The following KIF13B variants were observed in gnomAD, a reference collection of about 807,000 sequenced individuals.
KIF13B encodes kinesin family member 13B.
Under a neutral mutation model 222.0 loss-of-function variants are expected in KIF13B, and 127 were observed. The observed-to-expected ratio is 0.57, with a 90% CI of 0.50 to 0.66. The LOEUF (loss-of-function observed/expected upper bound fraction) is 0.66, where lower values mean the gene tolerates loss of function less well. Among genes scored for constraint, KIF13B ranks in the 30% least tolerant of loss-of-function variants. The pLI, the probability that KIF13B is intolerant of heterozygous loss-of-function variation, is 0.00. For missense variants in KIF13B, 2,173 were observed against 2,379.0 expected (o/e 0.91, Z 1.80); for synonymous variants, 976 against 919.0 (o/e 1.06, Z -1.12).
At chr8:29,124,270 G>A (rs759973973) in intron 26 of KIF13B, 147 bp from the exon 27 acceptor site, 41 of 557,834 alleles carry the variant, frequency 7.3e-5, no homozygotes, top group Non-Finnish European at 1.0e-4. Context: ...AGTTGACTGC[G>A]CCCATCTTTC....
At chr8:29,206,514 T>A (rs1813948817) in intron 2 of KIF13B, among the ~76,000 whole-genome samples, 1 of 152,196 alleles carries the variant, frequency 6.6e-6, no homozygotes, top group Non-Finnish European at 1.5e-5. Context: ...CACGACTACC[T>A]ATTTCACTAC....
At chr8:29,229,480 C>T (rs1434851416) in intron 2 of KIF13B, among the ~76,000 whole-genome samples, 1 of 152,194 alleles carries the variant, frequency 6.6e-6, no homozygotes, top group Non-Finnish European at 1.5e-5. Flanking sequence ...AACTTATACT[C>T]TTGCAAAGGA....
chr8:29,072,990 G>T (rs917698521), intron 38 of KIF13B, among the ~76,000 whole-genome samples: 36 of 151,788 alleles, frequency 2.4e-4, no homozygotes, highest in African/African-American at 8.5e-4. Context: ...ACTCAGCACA[G>T]CCTGGCCAGC....
intron 13 of KIF13B, 96 bp from the exon 14 acceptor site, chr8:29,155,952 T>C (rs1811504311): frequency 5.2e-6 from 5 of 956,744 alleles, no homozygotes; most frequent in Non-Finnish European, 4.7e-6. Flanking sequence ...TCCTATTACC[T>C]TTGCGAAAAT....
chr8:29,210,300 A>C (rs1814161178), intron 2 of KIF13B, among the ~76,000 whole-genome samples: 1 of 152,218 alleles, frequency 6.6e-6, no homozygotes, highest in Admixed American at 6.5e-5. Flanking sequence ...ACCATTCCAG[A>C]GCACACAGAC....
chr8:29,186,245 T>C (rs1479529011), intron 6 of KIF13B, 47 bp downstream of exon 6: 1 of 1,460,780 alleles, frequency 6.8e-7, no homozygotes, highest in Non-Finnish European at 9.4e-7. Flanking sequence ...AATTTAAGTC[T>C]GTTTCAGTTC....
Position 29,167,575 on chromosome 8 carries a change from C to T in KIF13B, c.956G>A (p.Gly319Glu). 3 of 1,613,802 alleles carry T rather than the reference C, an allele frequency of 1.9e-6. No homozygotes were observed. The highest frequency in any genetic ancestry group is 2.5e-6 in the Non-Finnish European group (3 of 1,179,744). The change falls in exon 11 of 40, where the codon GGG becomes GAG. Residue 319 changes from glycine (G) to glutamate (E), a missense_variant. Physicochemically the swap from Gly to Glu is moderately conservative, Grantham distance 98. Coordinates refer to ENST00000524189, the MANE Select transcript of KIF13B (RefSeq NM_015254.4). ...VLTWLLKDSL[G>E]GNSKTAMVAT... ...CACCATGGCGGTCTTGCTGTTACCC[C>T]CGAGGCTGTCCTACAGGAGAAAACA...
At chr8:29,146,314 C>A in intron 18 of KIF13B, 64 bp downstream of exon 18, 1 of 1,535,792 alleles carries the variant, frequency 6.5e-7, no homozygotes, top group Non-Finnish European at 9.0e-7. Flanking sequence ...TAAATAACAC[C>A]AGGAAATATC....
chr8:29,130,537 C>A lies in KIF13B; in HGVS notation c.3071G>T (p.Arg1024Leu). The A allele has an allele frequency of 6.2e-7, 1 of 1,613,722 alleles. No individual in the cohort carries two copies. Among genetic ancestry groups the A allele is most frequent in the South Asian group, 1.1e-5 (1 of 91,064 alleles). ...DVPTGGIFQL[R>L]QGQSRRVQVE... is the part of the protein sequence containing the mutation. ...AAACATTCACAATCTTGTTACCTGC[C>A]GGAGCTGGAAGATTCCTCCTGTTGG... The change falls in exon 24 of 40, where the codon CGG (arginine) becomes CTG (leucine). Residue 1024 changes from arginine (R) to leucine (L), a missense_variant. By Grantham distance (102) the Arg-to-Leu change is moderately radical. Around this residue, in one of 2 missense-constraint regions of KIF13B, gnomAD observed 1,480 missense variants for 1,722.8 expected, o/e 0.86. Transcript: ENST00000524189.
chr8:29,203,326 C>T (rs932822400), intron 2 of KIF13B, among the ~76,000 whole-genome samples: 2 of 152,174 alleles, frequency 1.3e-5, no homozygotes, highest in African/African-American at 4.8e-5. Context: ...CTATTTCTGT[C>T]TTGGACTCTA....
intron 37 of KIF13B, among the ~76,000 whole-genome samples, chr8:29,082,265 A>G (rs1270796489): frequency 6.6e-6 from 1 of 152,236 alleles, no homozygotes; most frequent in Non-Finnish European, 1.5e-5. Flanking sequence ...ATCACTGCCT[A>G]TAAGTGAATG....
intron 18 of KIF13B, among the ~76,000 whole-genome samples, chr8:29,145,499 C>T (rs1811018889): frequency 6.6e-6 from 1 of 152,082 alleles, no homozygotes; most frequent in Non-Finnish European, 1.5e-5. Flanking sequence ...AGCGTGGTGG[C>T]ACACACCTGT....
chr8:29,089,483 A>G (rs1808193990), intron 37 of KIF13B, among the ~76,000 whole-genome samples: 1 of 152,108 alleles, frequency 6.6e-6, no homozygotes, highest in Non-Finnish European at 1.5e-5. Context: ...AACAATAGAC[A>G]TTTTGCATCT....
intron 26 of KIF13B, among the ~76,000 whole-genome samples, chr8:29,124,610 G>A (rs542409365): frequency 5.3e-5 from 8 of 152,212 alleles, no homozygotes; most frequent in South Asian, 2.1e-4. Context: ...TTGGCCAGGC[G>A]CAGTGGCTCA....
rs143316254 is a variant in KIF13B, at chr8:29,099,125, T to C, written c.4324+8A>G. 287 of 1,594,370 alleles carry C rather than the reference T, an allele frequency of 1.8e-4. 2 individuals carry two copies. In the African/African-American group the frequency reaches 2.9e-3, roughly 16 times the overall value. ...TGACAGTAATTGACAAGTGAAAAGA[T>C]AACTTACCTGGATCTGGAGAATGGT... On this transcript the variant is annotated splice_region_variant and intron_variant, in intron 36 of 39. Transcript: ENST00000524189.
At chr8:29,183,888 A>ACCACATT (rs1384121544) in intron 6 of KIF13B, among the ~76,000 whole-genome samples, 5 of 152,200 alleles carry the variant, frequency 3.3e-5, no homozygotes. Flanking sequence ...CAGAAGCTGA[A>ACCACATT]CCACATTCAA....
chr8:29,127,111 T>C lies in KIF13B; in HGVS notation c.3222+11A>G. The C allele has an allele frequency of 6.2e-7, 1 of 1,612,562 alleles. No homozygotes were observed. Among genetic ancestry groups the C allele is most frequent in the South Asian group, 1.1e-5 (1 of 90,868 alleles). ...TCTTTCAAGAAGAACATAACAGGTATAGAAACTTACATGGAAGGTCTCATG... is the reference window on the plus strand; with the variant it reads ...TCTTTCAAGAAGAACATAACAGGTACAGAAACTTACATGGAAGGTCTCATG... On this transcript the variant is annotated intron_variant, in intron 25 of 39. Coordinates refer to ENST00000524189, the MANE Select transcript of KIF13B (RefSeq NM_015254.4).
chr8:29,236,745 G>A (rs1815525889), intron 2 of KIF13B, among the ~76,000 whole-genome samples: 1 of 152,100 alleles, frequency 6.6e-6, no homozygotes, highest in Admixed American at 6.6e-5. Context: ...AGAACTCTGT[G>A]GAAGAAGTTT....
At chr8:29,096,423 C>T (rs1414136332) in intron 36 of KIF13B, among the ~76,000 whole-genome samples, 1 of 150,692 alleles carries the variant, frequency 6.6e-6, no homozygotes, top group East Asian at 2.0e-4. Context: ...CTTCAGCCTC[C>T]TGAGTAGAGG....
Sources: gnomAD v4.1 joint callset for allele counts (sites outside exome capture counted in the v4.1 genomes callset) on GRCh38, gnomAD v4.1.1 for gene constraint, gnomAD v4.1.1 regional missense constraint, MANE v1.5 for transcripts, NCBI Gene and HGNC (gene_info 2026-07-23, HGNC 2026-07-21) for gene names.